FGF12: variants seen among roughly 807,000 people sequenced by gnomAD.
The protein encoded by FGF12 is fibroblast growth factor 12.
A neutral mutation model predicts 23.6 loss-of-function variants in FGF12; 14 were observed. The observed-to-expected ratio is 0.59, with a 90% CI of 0.39 to 0.93. The LOEUF (loss-of-function observed/expected upper bound fraction) is 0.93. FGF12 is among the 40% of genes least tolerant of loss of function. FGF12 has a pLI of 0.00. For missense variants in FGF12, 175 were observed against 217.8 expected, an observed-to-expected ratio of 0.80 and a Z score of 1.24; for synonymous variants, 62 against 77.3, an observed-to-expected ratio of 0.80 and a Z score of 1.04.
intron 2 of FGF12, among the ~76,000 whole-genome samples, chr3:192,563,057 T>C (rs1353183613): frequency 6.6e-6 from 1 of 152,246 alleles, no homozygotes; most frequent in Non-Finnish European, 1.5e-5. Context: ...AGAAGACTCA[T>C]ACTGGACGTA....
chr3:192,716,217 G>A (rs1718860605), intron 2 of FGF12, among the ~76,000 whole-genome samples: 1 of 152,128 alleles, frequency 6.6e-6, no homozygotes. Flanking sequence ...GGGGCCCAGT[G>A]ATCTGTGTTT....
intron 2 of FGF12, among the ~76,000 whole-genome samples, chr3:192,619,541 C>T (rs1366021077): frequency 6.6e-6 from 1 of 152,112 alleles, no homozygotes; most frequent in African/African-American, 2.4e-5. Context: ...ATGGCCTTTA[C>T]TGACCTCAGA....
intron 2 of FGF12, among the ~76,000 whole-genome samples, chr3:192,610,246 C>T (rs1173988347): frequency 6.6e-6 from 1 of 151,982 alleles, no homozygotes; most frequent in Non-Finnish European, 1.5e-5. Flanking sequence ...ACTCATTGGT[C>T]AGTCAGAATC....
At chr3:192,334,372 G>A (rs1190432073) in intron 4 of FGF12, among the ~76,000 whole-genome samples, 2 of 152,034 alleles carry the variant, frequency 1.3e-5, no homozygotes, top group Non-Finnish European at 2.9e-5. Context: ...AACTAATTTA[G>A]AATCCAGCAG....
chr3:192,302,160 G>A (rs1239691698), intron 4 of FGF12, among the ~76,000 whole-genome samples: 2 of 152,266 alleles, frequency 1.3e-5, no homozygotes, highest in Admixed American at 1.3e-4. Flanking sequence ...TGTTGAAGTA[G>A]AGCCACCAGC....
chr3:192,189,182 G>A (rs1404070585), intron 4 of FGF12, among the ~76,000 whole-genome samples: 1 of 152,154 alleles, frequency 6.6e-6, no homozygotes, highest in Admixed American at 6.5e-5. Flanking sequence ...TCTAAAAGGG[G>A]CTTTTTTGAT....
intron 2 of FGF12, among the ~76,000 whole-genome samples, chr3:192,504,167 C>T (rs1724221306): frequency 6.6e-6 from 1 of 151,946 alleles, no homozygotes; most frequent in African/African-American, 2.4e-5. Context: ...AGAGAGGAAC[C>T]ACGGACGCCA....
chr3:192,546,568 C>T (rs1725499867), intron 2 of FGF12, among the ~76,000 whole-genome samples: 2 of 151,528 alleles, frequency 1.3e-5, no homozygotes, highest in African/African-American at 2.4e-5. Context: ...AATTGTAGTT[C>T]CCTGGTTCAA....
chr3:192,306,157 T>A (rs747071100), intron 4 of FGF12, among the ~76,000 whole-genome samples: 12 of 152,278 alleles, frequency 7.9e-5, no homozygotes, highest in Non-Finnish European at 8.8e-5. Flanking sequence ...ATGAAAATTT[T>A]AAATTTTAAA....
chr3:192,487,104 A>G (rs772865104), intron 2 of FGF12, among the ~76,000 whole-genome samples: 2 of 152,054 alleles, frequency 1.3e-5, no homozygotes, highest in African/African-American at 2.4e-5. Context: ...TAATTTCCCC[A>G]TTTGGAAAGT....
At chr3:192,491,722 C>T (rs1418834131) in intron 2 of FGF12, among the ~76,000 whole-genome samples, 1 of 152,092 alleles carries the variant, frequency 6.6e-6, no homozygotes, top group Non-Finnish European at 1.5e-5. Context: ...CATCGTCTTC[C>T]AGTAGTATTT....
chr3:192,180,279 G>A (rs1171880051), intron 4 of FGF12, among the ~76,000 whole-genome samples: 2 of 152,172 alleles, frequency 1.3e-5, no homozygotes, highest in Non-Finnish European at 2.9e-5. Context: ...TGAGGTGGGA[G>A]AAAGCCAGTG....
intron 5 of FGF12, among the ~76,000 whole-genome samples, chr3:192,155,336 T>A (rs1373653497): frequency 1.3e-5 from 2 of 152,228 alleles, no homozygotes; most frequent in Non-Finnish European, 2.9e-5. Context: ...CTTTCAGCAT[T>A]TGAAACTTTT....
chr3:192,668,736 A>G (rs1560188309), intron 2 of FGF12, among the ~76,000 whole-genome samples: 1 of 152,184 alleles, frequency 6.6e-6, no homozygotes, highest in Non-Finnish European at 1.5e-5. Flanking sequence ...CTAGAGAGCA[A>G]TCTCCAAAGA....
intron 2 of FGF12, among the ~76,000 whole-genome samples, chr3:192,412,164 T>A (rs370666240): frequency 2.0e-5 from 3 of 152,198 alleles, no homozygotes; most frequent in Non-Finnish European, 4.4e-5. Context: ...AAGTAAAATA[T>A]AGTACATTTC....
intron 4 of FGF12, among the ~76,000 whole-genome samples, chr3:192,198,641 G>T (rs1717204733): frequency 6.6e-6 from 1 of 152,120 alleles, no homozygotes; most frequent in Non-Finnish European, 1.5e-5. Context: ...ATTAAGATTT[G>T]GGGAATATAA....
At chr3:192,569,821 A>C (rs1712510380) in intron 2 of FGF12, among the ~76,000 whole-genome samples, 1 of 152,232 alleles carries the variant, frequency 6.6e-6, no homozygotes, top group Non-Finnish European at 1.5e-5. Context: ...CCTAATGATA[A>C]CAGGGAATTA....
intron 4 of FGF12, among the ~76,000 whole-genome samples, chr3:192,307,339 C>T (rs780057777): frequency 1.3e-5 from 2 of 152,138 alleles, no homozygotes; most frequent in African/African-American, 2.4e-5. Context: ...TGTTCCTTAT[C>T]GTCACCTCCA....
chr3:192,551,520 T>A (rs1482911202), intron 2 of FGF12, among the ~76,000 whole-genome samples: 3 of 152,186 alleles, frequency 2.0e-5, no homozygotes, highest in African/African-American at 7.2e-5. Context: ...ACAGTGCTCA[T>A]AGATGTTAAA....
Sources: gnomAD v4.1 joint callset for allele counts (sites outside exome capture counted in the v4.1 genomes callset) on GRCh38, gnomAD v4.1.1 for gene constraint, MANE v1.5 for transcripts, NCBI Gene and HGNC (gene_info 2026-07-23, HGNC 2026-07-21) for gene names.